The following MFSD2B variants were observed in gnomAD, a reference collection of about 807,000 sequenced individuals.
MFSD2B encodes MFSD2 lysolipid transporter B, sphingolipid.
MFSD2B carries 56 observed loss-of-function variants against 58.4 expected under a neutral mutation model. The ratio of observed to expected loss-of-function variants is 0.96; its 90% CI spans 0.77 to 1.20. The LOEUF is 1.20. MFSD2B is among the 50% of genes most tolerant of loss of function. MFSD2B has a pLI of 0.00. For missense variants in MFSD2B, 645 were observed against 667.6 expected, an observed-to-expected ratio of 0.97 and a Z score of 0.37; for synonymous variants, 287 against 294.4, an observed-to-expected ratio of 0.97 and a Z score of 0.26.
chr2:24,012,949 G>A lies in MFSD2B; in HGVS notation c.97-336G>A, dbSNP rs931996360. ...TGATTTATTCAAGGTCACATAGAGGGGTAGGTGACAAAGGCAGGCTCAAGC... is the reference window on the plus strand; with the variant it reads ...TGATTTATTCAAGGTCACATAGAGGAGTAGGTGACAAAGGCAGGCTCAAGC... On this transcript the variant is annotated intron_variant, in intron 1 of 13. Coordinates refer to ENST00000338315, the MANE Select transcript of MFSD2B (RefSeq NM_001346880.2). This position sits in a 1 kb window ranked among gnomAD's most constrained non-coding sequence, Gnocchi z 4.5. 4.4e-6 allele frequency: 1 copy of A among 225,110 alleles called. No homozygotes were observed. Among genetic ancestry groups the A allele is most frequent in the African/African-American group, 2.2e-5 (1 of 44,476 alleles). The allele number at this position is 225,110 out of a possible 1,614,324, so 13.9% of individuals were successfully genotyped here.
intron 6 of MFSD2B, chr2:24,018,232 T>A (rs1709231379): frequency 6.1e-6 from 1 of 164,806 alleles, no homozygotes; most frequent in East Asian, 1.3e-4. Context: ...GCCCATTTTT[T>A]AGGCCAAAAG....
In MFSD2B at chr2:24,013,271, T is replaced by G; in HGVS notation, c.97-14T>G. 1 of 1,588,488 alleles carries G rather than the reference T, an allele frequency of 6.3e-7. No individual in the cohort carries two copies. Among genetic ancestry groups the G allele is most frequent in the South Asian group, 1.1e-5 (1 of 88,834 alleles). On this transcript the variant is annotated splice_polypyrimidine_tract_variant and intron_variant, in intron 1 of 13. Coordinates refer to ENST00000338315, the MANE Select transcript of MFSD2B (RefSeq NM_001346880.2). ...TCTGTTGGGAGAAGGGCTTAGTTCC[T>G]GTGTCTCCTCCAGGACAGCAGAGCC...
rs879395832 is a variant in MFSD2B, at chr2:24,012,912, A to G, written c.97-373A>G. 1.2e-4 allele frequency: 21 copies of G among 171,922 alleles called. No individual in the cohort carries two copies. Among genetic ancestry groups the G allele is most frequent in the Admixed American group, 7.3e-4 (12 of 16,412 alleles). The allele number at this position is 171,922 out of a possible 1,614,324, so 10.6% of individuals were successfully genotyped here. ...TTTGACAGATGAGGAAAACAGGCTT[A>G]GAGAGATGATGTGATTTATTCAAGG... On this transcript the variant is annotated intron_variant, in intron 1 of 13. Coordinates refer to ENST00000338315, the MANE Select transcript of MFSD2B (RefSeq NM_001346880.2). This position sits in a 1 kb window ranked among gnomAD's most constrained non-coding sequence, Gnocchi z 4.5.
chr2:24,023,138 GC>G lies in MFSD2B; in HGVS notation c.1071del (p.Phe358LeufsTer23), dbSNP rs1558326580. On this transcript the variant is annotated frameshift_variant, in exon 11 of 14. Coordinates refer to ENST00000338315, the MANE Select transcript of MFSD2B (RefSeq NM_001346880.2). LOFTEE classifies it high-confidence loss of function. The surrounding 1 kb of genome is among the most constrained non-coding windows in gnomAD (Gnocchi z 5.0). ...TGTGTGTGTCTCCCCAGGCGATGGT[GC>G]CCTTTGCGATCTTGCTGGCTGCTGT... ...TSAFGIFAMV[P>X]FAILLAAVPT... 1 of 1,612,192 alleles carries G rather than the reference GC, an allele frequency of 6.2e-7. No individual in the cohort carries two copies. Among genetic ancestry groups the G allele is most frequent in the Non-Finnish European group, 8.5e-7 (1 of 1,179,678 alleles).
rs772699950 is a variant in MFSD2B at position 24,017,357 on chromosome 2, C to T, written c.543C>T (p.Thr181=). 2.4e-5 allele frequency: 38 copies of T among 1,604,232 alleles called. No homozygotes were observed. Among genetic ancestry groups the T allele is most frequent in the East Asian group, 1.6e-4 (7 of 44,320 alleles). Residue 181 remains threonine (T), a synonymous_variant, in exon 5 of 14, where the codon ACC becomes ACT. Transcript: ENST00000338315. This position sits in a 1 kb window ranked among gnomAD's most constrained non-coding sequence, Gnocchi z 4.8. ...TPCPRERDSA[T]AYRMTVEMAG... The stretch of plus-strand genomic sequence containing the variant: ...GCCCAAGGGAGCGGGACTCGGCCAC[C>T]GCCTACCGTGAGTGCAGCCGTGGGT...
In MFSD2B at chr2:24,017,182, C is replaced by T; in HGVS notation, c.472-104C>T. 7.5e-7 allele frequency: 1 copy of T among 1,330,138 alleles called. No homozygotes were observed. The highest frequency in any genetic ancestry group is 1.0e-6 in the Non-Finnish European group (1 of 966,524). The allele number at this position is 1,330,138 out of a possible 1,614,324, so 82.4% of individuals were successfully genotyped here. A position where few individuals can be genotyped will look rare whatever the true frequency, so the allele number is the denominator to read the frequency against. On this transcript the variant is annotated intron_variant, in intron 4 of 13. Transcript: ENST00000338315. The surrounding 1 kb of genome is among the most constrained non-coding windows in gnomAD (Gnocchi z 4.8). ...CTTCAGGTGGCCAGCTGGGATATGT[C>T]ACGTTGGCCTGTGGGTGTCGGGATG...
At position 24,022,037 on chromosome 2, in the gene MFSD2B, T is replaced by G. The variant is rs572330439; in HGVS notation, c.894+67T>G. On this transcript the variant is annotated intron_variant, in intron 8 of 13. Coordinates refer to ENST00000338315, the MANE Select transcript of MFSD2B (RefSeq NM_001346880.2). This position sits in a 1 kb window ranked among gnomAD's most constrained non-coding sequence, Gnocchi z 4.5. ...ATGCTGACCTTGCATAGGTTCAGGG[T>G]GCAGTCTTGGCTTGAGTTTTATAGG... 98 of 1,599,832 alleles carry G rather than the reference T, an allele frequency of 6.1e-5. 1 individual carries two copies. The East Asian group carries it at 1.6e-3, about 26-fold the overall frequency.
Position 24,023,111 on chromosome 2 carries a change from GGT to G in MFSD2B, c.1060-10_1060-9del, listed in dbSNP as rs760623456. On this transcript the variant is annotated splice_polypyrimidine_tract_variant and intron_variant, in intron 10 of 13. Transcript: ENST00000338315. This position sits in a 1 kb window ranked among gnomAD's most constrained non-coding sequence, Gnocchi z 5.0. ...CGAAGAAGCAGGTGGCGGGACAGCT[GGT>G]GTGTGTGTCTCCCCAGGCGATGGTG... 8 of 1,596,602 alleles carry G rather than the reference GGT, an allele frequency of 5.0e-6. No homozygotes were observed. The highest frequency in any genetic ancestry group is 1.1e-5 in the South Asian group (1 of 90,772).
Position 24,016,165 on chromosome 2 carries a change from G to A in MFSD2B, c.232G>A (p.Ala78Thr), listed in dbSNP as rs776663850. 2.2e-5 allele frequency: 35 copies of A among 1,613,416 alleles called. No homozygotes were observed. Among genetic ancestry groups the A allele is most frequent in the Non-Finnish European group, 2.7e-5 (32 of 1,179,850 alleles). Residue 78 changes from alanine (A) to threonine (T), a missense_variant, in exon 3 of 14, where the codon GCC (alanine) becomes ACC (threonine). Physicochemically the swap from Ala to Thr is moderately conservative, Grantham distance 58. Transcript: ENST00000338315. Reference protein sequence around the residue: ...FLLDIAQIPAAQVSLVLFGGK... With the variant: ...FLLDIAQIPATQVSLVLFGGK... ...CCCCTGTCTGTTTCAGATCCCTGCC[G>A]CCCAGGTGTCACTTGTTCTGTTTGG...
At position 24,025,596 on chromosome 2, in the gene MFSD2B, G is replaced by A; in HGVS notation, c.*140G>A. The A allele has an allele frequency of 1.3e-6, 1 of 763,502 alleles. No homozygotes were observed. The highest frequency in any genetic ancestry group is 2.2e-6 in the Non-Finnish European group (1 of 456,194). 47.3% of individuals were successfully genotyped at this position (763,502 alleles called of 1,614,324 possible). A position where few individuals can be genotyped will look rare whatever the true frequency, so the allele number is the denominator to read the frequency against. On this transcript the variant is annotated 3_prime_UTR_variant, in exon 14 of 14. Transcript: ENST00000338315. ...TGGGATGTGGAGTCTTCGGCAACGT[G>A]TCCTGAAGGGACTGGCCCGCACTCC... is the stretch of plus-strand genomic sequence containing the variant.
intron 13 of MFSD2B, among the ~76,000 whole-genome samples, chr2:24,025,225 A>G (rs1414832992): frequency 2.6e-5 from 4 of 152,206 alleles, no homozygotes; most frequent in Non-Finnish European, 5.9e-5. Context: ...CTTCCCAGTC[A>G]GGGAAGGCCA....
chr2:24,021,551 C>A lies in MFSD2B; in HGVS notation c.682-97C>A. 8.8e-7 allele frequency: 1 copy of A among 1,134,498 alleles called. No individual in the cohort carries two copies. The highest frequency in any genetic ancestry group is 1.3e-6 in the Non-Finnish European group (1 of 774,774). 70.3% of individuals were successfully genotyped at this position (1,134,498 alleles called of 1,614,324 possible). ...TCCTGGGCTTGGGTTGTGCCTCCCT[C>A]CGCTCCCACTGGGAGGCAGTACTGC... On this transcript the variant is annotated intron_variant, in intron 6 of 13. Coordinates refer to ENST00000338315, the MANE Select transcript of MFSD2B (RefSeq NM_001346880.2). This position sits in a 1 kb window ranked among gnomAD's most constrained non-coding sequence, Gnocchi z 5.7.
chr2:24,022,907 G>C lies in MFSD2B; in HGVS notation c.1059+5G>C, dbSNP rs750374413. The C allele has an allele frequency of 1.2e-6, 2 of 1,607,654 alleles. No individual in the cohort carries two copies. The highest frequency in any genetic ancestry group is 1.7e-6 in the Non-Finnish European group (2 of 1,177,354). ...ACGTCAGCCTTTGGGATCTTTGTGAGTGAGGCGGGAATCAAGGATTGGGGG... is the reference window on the plus strand; with the variant it reads ...ACGTCAGCCTTTGGGATCTTTGTGACTGAGGCGGGAATCAAGGATTGGGGG... On this transcript the variant is annotated splice_donor_5th_base_variant and intron_variant, in intron 10 of 13. Transcript: ENST00000338315. This position sits in a 1 kb window ranked among gnomAD's most constrained non-coding sequence, Gnocchi z 4.5.
At chr2:24,013,164 G>C (rs529562988) in intron 1 of MFSD2B, 121 bp from the exon 2 acceptor site, 41 of 1,003,848 alleles carry the variant, frequency 4.1e-5, no homozygotes, top group Middle Eastern at 3.3e-4. Context: ...ATGGGGCTGA[G>C]AGGTTGCTGG....
At chr2:24,015,354 AG>A in intron 2 of MFSD2B, among the ~76,000 whole-genome samples, 1 of 152,132 alleles carries the variant, frequency 6.6e-6, no homozygotes, top group Non-Finnish European at 1.5e-5. Context: ...TGGGAGGCTG[AG>A]GTGGGAGAAT....
chr2:24,019,000 G>A (rs371280541), intron 6 of MFSD2B, among the ~76,000 whole-genome samples: 5 of 151,958 alleles, frequency 3.3e-5, no homozygotes, highest in Admixed American at 2.6e-4. Context: ...ACAGGCATGC[G>A]CCACCACGCC....
rs542811503 is a variant in MFSD2B, at chr2:24,021,525, G to A, written c.682-123G>A. The A allele has an allele frequency of 4.2e-5, 35 of 834,158 alleles. No individual in the cohort carries two copies. The highest frequency in any genetic ancestry group is 1.8e-4 in the African/African-American group (11 of 59,662). The allele number at this position is 834,158 out of a possible 1,614,324, so 51.7% of individuals were successfully genotyped here. On this transcript the variant is annotated intron_variant, in intron 6 of 13. Coordinates refer to ENST00000338315, the MANE Select transcript of MFSD2B (RefSeq NM_001346880.2). This position sits in a 1 kb window ranked among gnomAD's most constrained non-coding sequence, Gnocchi z 5.7. ...GGTGATTGGGAGGTGGGGACCCAGC[G>A]TCCTGGGCTTGGGTTGTGCCTCCCT...
chr2:24,012,149 A>G lies in MFSD2B; in HGVS notation c.97-1136A>G, dbSNP rs2150936691. 1.1e-5 allele frequency among the ~76,000 whole-genome samples: 1 copy of G among 90,094 alleles called. No individual in the cohort carries two copies. The highest frequency in any genetic ancestry group is 5.1e-3 in the Middle Eastern group (1 of 198). The allele number at this position is 90,094 out of a possible 152,430, so 59.1% of individuals were successfully genotyped here. A position where few individuals can be genotyped will look rare whatever the true frequency, so the allele number is the denominator to read the frequency against. ...TCTGGAAACAAACAAACAAACAAAC[A>G]AAACACACACACACACACACACACA... is the stretch of plus-strand genomic sequence containing the variant. On this transcript the variant is annotated intron_variant, in intron 1 of 13. Transcript: ENST00000338315. This position sits in a 1 kb window ranked among gnomAD's most constrained non-coding sequence, Gnocchi z 4.5.
rs1709196514 is a variant in MFSD2B, at chr2:24,017,446, C to T, written c.551-12C>T. ...TCCCTCTCAGTCACCTTAAGTGGCA[C>T]TCTGTCTCCAGGGATGACTGTGGAG... is the stretch of plus-strand genomic sequence containing the variant. On this transcript the variant is annotated splice_polypyrimidine_tract_variant and intron_variant, in intron 5 of 13. Coordinates refer to ENST00000338315, the MANE Select transcript of MFSD2B (RefSeq NM_001346880.2). The surrounding 1 kb of genome is among the most constrained non-coding windows in gnomAD (Gnocchi z 4.8). 3 of 1,600,746 alleles carry T rather than the reference C, an allele frequency of 1.9e-6. No individual in the cohort carries two copies. In the South Asian group the frequency reaches 3.4e-5, roughly 18 times the overall value.
Sources: gnomAD v4.1 joint callset for allele counts (sites outside exome capture counted in the v4.1 genomes callset) on GRCh38, gnomAD v4.1.1 for gene constraint, Gnocchi (gnomAD v3.1) non-coding constraint, MANE v1.5 for transcripts, NCBI Gene and HGNC (gene_info 2026-07-23, HGNC 2026-07-21) for gene names.